Variants in ENTREP2 observed in about 807,000 individuals in gnomAD.
ENTREP2 encodes the protein protein ENTREP2.
chr15:29,257,694 G>A, the ENTREP2 span, among the ~76,000 whole-genome samples: 254 of 152,126 alleles, frequency 1.7e-3, no homozygotes, highest in African/African-American at 5.9e-3. Context: ...TTAAATTTAG[G>A]AAAATAACTG....
At chr15:29,432,059 T>C in the ENTREP2 span, among the ~76,000 whole-genome samples, 66 of 152,272 alleles carry the variant, frequency 4.3e-4, 1 homozygote, top group African/African-American at 1.5e-3. Flanking sequence ...ATAGGCCATA[T>C]CACTGCAAAA....
At chr15:29,155,289 G>GA in the ENTREP2 span, among the ~76,000 whole-genome samples, 295 of 127,516 alleles carry the variant, frequency 2.3e-3, no homozygotes, top group East Asian at 9.3e-3. Flanking sequence ...CTCATAAAAA[G>GA]AAAAAAAAAA....
At chr15:29,656,258 C>T in the ENTREP2 span, among the ~76,000 whole-genome samples, 4 of 150,892 alleles carry the variant, frequency 2.7e-5, no homozygotes, top group African/African-American at 9.8e-5. Flanking sequence ...CAGAGTCTCA[C>T]TCTGTCACCC....
chr15:29,362,560 A>C, the ENTREP2 span, among the ~76,000 whole-genome samples: 2 of 151,684 alleles, frequency 1.3e-5, no homozygotes, highest in Non-Finnish European at 2.9e-5. Flanking sequence ...ATTTTAGTAG[A>C]GAAAGGGTTT....
the ENTREP2 span, among the ~76,000 whole-genome samples, chr15:29,606,654 A>G: frequency 6.6e-6 from 1 of 152,066 alleles, no homozygotes; most frequent in Non-Finnish European, 1.5e-5. Flanking sequence ...TCCTGGTAAT[A>G]GTCTATTTTT....
At chr15:29,633,858 C>T in the ENTREP2 span, among the ~76,000 whole-genome samples, 1 of 152,038 alleles carries the variant, frequency 6.6e-6, no homozygotes, top group Non-Finnish European at 1.5e-5. Flanking sequence ...ACTCGGGAGG[C>T]TGAGGCGAGA....
At chr15:29,372,191 CCT>C in the ENTREP2 span, among the ~76,000 whole-genome samples, 3 of 152,270 alleles carry the variant, frequency 2.0e-5, no homozygotes, top group Middle Eastern at 3.4e-3. Flanking sequence ...CTCTGCCACC[CCT>C]GAGACAGCAA....
chr15:29,604,342 G>A, the ENTREP2 span, among the ~76,000 whole-genome samples: 3 of 152,240 alleles, frequency 2.0e-5, no homozygotes, highest in Non-Finnish European at 4.4e-5. Flanking sequence ...TACAATCTTC[G>A]GTGATGGTAA....
At chr15:29,379,295 G>A in the ENTREP2 span, among the ~76,000 whole-genome samples, 1 of 152,180 alleles carries the variant, frequency 6.6e-6, no homozygotes, top group Non-Finnish European at 1.5e-5. Context: ...CCTCTGTGAA[G>A]CCTGCCACAG....
the ENTREP2 span, among the ~76,000 whole-genome samples, chr15:29,504,018 A>T: frequency 6.6e-6 from 1 of 152,340 alleles, no homozygotes; most frequent in African/African-American, 2.4e-5. Context: ...GCTAAAATTA[A>T]AAAGTCTAAT....
chr15:29,151,862 G>C, the ENTREP2 span: 5 of 1,524,018 alleles, frequency 3.3e-6, no homozygotes, highest in Admixed American at 2.0e-5. Flanking sequence ...AGGTGCAGGA[G>C]AATGTCAGCC....
At chr15:29,575,024 G>A in the ENTREP2 span, among the ~76,000 whole-genome samples, 1 of 152,210 alleles carries the variant, frequency 6.6e-6, no homozygotes, top group Non-Finnish European at 1.5e-5. Flanking sequence ...ATGCGGAGAG[G>A]TGTGTGCAGC....
At chr15:29,583,609 C>G in the ENTREP2 span, among the ~76,000 whole-genome samples, 1 of 152,228 alleles carries the variant, frequency 6.6e-6, no homozygotes, top group East Asian at 1.9e-4. Flanking sequence ...ATGTAACAAA[C>G]CTGCACATCC....
At chr15:29,366,704 T>C in the ENTREP2 span, among the ~76,000 whole-genome samples, 1 of 152,206 alleles carries the variant, frequency 6.6e-6, no homozygotes, top group Non-Finnish European at 1.5e-5. Context: ...ATTTAGCCAT[T>C]TGCTTCTGAG....
the ENTREP2 span, among the ~76,000 whole-genome samples, chr15:29,408,768 A>G: frequency 1.3e-5 from 2 of 151,998 alleles, no homozygotes; most frequent in Middle Eastern, 3.2e-3. Context: ...ATATTCTGAA[A>G]TTTTTCAAAT....
chr15:29,460,661 AAC>A, the ENTREP2 span, among the ~76,000 whole-genome samples: 1 of 152,288 alleles, frequency 6.6e-6, no homozygotes. Context: ...AACAAGAAAA[AAC>A]ACAATTCTTA....
At chr15:29,534,133 A>G in the ENTREP2 span, among the ~76,000 whole-genome samples, 1 of 150,496 alleles carries the variant, frequency 6.6e-6, no homozygotes, top group African/African-American at 2.5e-5. Context: ...AAAAAAAAAA[A>G]AAAAGAAGGA....
the ENTREP2 span, among the ~76,000 whole-genome samples, chr15:29,430,976 G>A: frequency 3.3e-5 from 5 of 152,124 alleles, no homozygotes; most frequent in African/African-American, 1.2e-4. Context: ...TCCTTTGTGC[G>A]TAGCTACCCA....
chr15:29,593,485 C>T, the ENTREP2 span, among the ~76,000 whole-genome samples: 1 of 152,150 alleles, frequency 6.6e-6, no homozygotes, highest in African/African-American at 2.4e-5. Flanking sequence ...TCAGCTGCCC[C>T]CTCCCATAGG....
Sources: gnomAD v4.1 joint callset for allele counts (sites outside exome capture counted in the v4.1 genomes callset) on GRCh38, gnomAD v4.1.1 for gene constraint, MANE v1.5 for transcripts, NCBI Gene and HGNC (gene_info 2026-07-23, HGNC 2026-07-21) for gene names.